Variants in DUSP16 observed in about 807,000 individuals in gnomAD.
DUSP16 encodes the protein dual specificity phosphatase 16, also known as dual specificity protein phosphatase 16.
A neutral mutation model predicts 58.3 loss-of-function variants in DUSP16; 21 were observed. The ratio of observed to expected loss-of-function variants is 0.36; its 90% CI spans 0.26 to 0.52. The LOEUF (loss-of-function observed/expected upper bound fraction) is 0.52, where lower values mean the gene tolerates loss of function less well. Ranked by LOEUF, DUSP16 falls within the 20% of genes least tolerant of loss-of-function variation. The probability of loss-of-function intolerance (pLI) is 0.94; values close to 1 mark genes in which losing one functional copy is unlikely to be tolerated. For missense variants in DUSP16, 726 were observed against 819.0 expected, an observed-to-expected ratio of 0.89 and a Z score of 1.39; for synonymous variants, 320 against 323.8, an observed-to-expected ratio of 0.99 and a Z score of 0.12.
intron 4 of DUSP16, 74 bp from the exon 5 acceptor site, chr12:12,487,261 T>C (rs1210126566): frequency 6.7e-7 from 1 of 1,489,744 alleles, no homozygotes; most frequent in African/African-American, 1.4e-5. Flanking sequence ...GAGTGAAGTT[T>C]AATGTGATGA....
At chr12:12,484,476 T>G (rs1287863785) in intron 5 of DUSP16, among the ~76,000 whole-genome samples, 1 of 152,126 alleles carries the variant, frequency 6.6e-6, no homozygotes, top group Non-Finnish European at 1.5e-5. Flanking sequence ...CTACTAAACT[T>G]TGTCTCCTAA....
intron 1 of DUSP16, among the ~76,000 whole-genome samples, chr12:12,527,467 A>AACAAAC (rs918459447): frequency 2.0e-5 from 3 of 152,122 alleles, no homozygotes; most frequent in African/African-American, 7.2e-5. Flanking sequence ...AAAAAATAAA[A>AACAAAC]ACAAACACAA....
intron 4 of DUSP16, among the ~76,000 whole-genome samples, chr12:12,498,795 A>G (rs995251251): frequency 6.6e-6 from 1 of 152,208 alleles, no homozygotes; most frequent in African/African-American, 2.4e-5. Context: ...TAAAAATAAA[A>G]GTCTATACAT....
At chr12:12,531,884 C>T (rs998302907) in intron 1 of DUSP16, among the ~76,000 whole-genome samples, 7 of 150,192 alleles carry the variant, frequency 4.7e-5, no homozygotes, top group Non-Finnish European at 1.0e-4. Context: ...CAAGGCCGGG[C>T]GCGGTGGCTC....
At chr12:12,518,257 G>A (rs534137783) in intron 3 of DUSP16, among the ~76,000 whole-genome samples, 125 of 151,768 alleles carry the variant, frequency 8.2e-4, no homozygotes, top group African/African-American at 2.9e-3. Context: ...GCTCATGCCT[G>A]TAATCCCAGC....
At chr12:12,490,440 A>T (rs1168830360) in intron 4 of DUSP16, among the ~76,000 whole-genome samples, 4 of 152,234 alleles carry the variant, frequency 2.6e-5, no homozygotes, top group Admixed American at 2.6e-4. Context: ...AATACTTAAT[A>T]TAATTTGGCT....
At chr12:12,515,039 G>A (rs182980479) in intron 3 of DUSP16, among the ~76,000 whole-genome samples, 1 of 152,094 alleles carries the variant, frequency 6.6e-6, no homozygotes, top group East Asian at 1.9e-4. Context: ...CTCATTACAA[G>A]TTCAAAATAT....
chr12:12,493,245 G>GC (rs749114266), intron 4 of DUSP16, among the ~76,000 whole-genome samples: 17 of 152,056 alleles, frequency 1.1e-4, no homozygotes, highest in Admixed American at 2.6e-4. Flanking sequence ...AATGGCAACT[G>GC]CATCTCCGAG....
At chr12:12,519,789 T>C in intron 3 of DUSP16, 73 bp downstream of exon 3, 1 of 1,504,572 alleles carries the variant, frequency 6.6e-7, no homozygotes, top group Non-Finnish European at 9.2e-7. Flanking sequence ...TTGTACTGAG[T>C]TCACAGTGAA....
chr12:12,483,840 A>G (rs1943624206), intron 5 of DUSP16, among the ~76,000 whole-genome samples: 1 of 152,126 alleles, frequency 6.6e-6, no homozygotes, highest in South Asian at 2.1e-4. Flanking sequence ...AATCTAATCT[A>G]AATAACAACA....
intron 1 of DUSP16, among the ~76,000 whole-genome samples, chr12:12,559,423 T>A (rs748284911): frequency 7.9e-5 from 12 of 152,236 alleles, no homozygotes; most frequent in Non-Finnish European, 1.8e-4. Flanking sequence ...CTTATTTTCT[T>A]GGGATTCTGA....
chr12:12,502,544 G>A (rs958130032), intron 3 of DUSP16, among the ~76,000 whole-genome samples: 3 of 147,288 alleles, frequency 2.0e-5, no homozygotes, highest in Non-Finnish European at 4.5e-5. Flanking sequence ...ACAGTTTCAT[G>A]GTTTCATTTT....
intron 5 of DUSP16, among the ~76,000 whole-genome samples, chr12:12,481,621 T>C (rs1943567019): frequency 6.6e-6 from 1 of 152,204 alleles, no homozygotes; most frequent in African/African-American, 2.4e-5. Flanking sequence ...TCATCATATA[T>C]AAAGCAACAT....
intron 1 of DUSP16, among the ~76,000 whole-genome samples, chr12:12,556,945 C>T (rs1014300507): frequency 4.6e-5 from 7 of 152,090 alleles, no homozygotes; most frequent in Non-Finnish European, 1.0e-4. Context: ...TTTGTATGTT[C>T]CCATACAAAA....
At chr12:12,483,989 T>A (rs962636560) in intron 5 of DUSP16, among the ~76,000 whole-genome samples, 3 of 151,652 alleles carry the variant, frequency 2.0e-5, no homozygotes, top group South Asian at 2.1e-4. Context: ...AATAAAAAAA[T>A]TTAAAAATTA....
chr12:12,516,053 G>C (rs1182594273), intron 3 of DUSP16, among the ~76,000 whole-genome samples: 1 of 152,012 alleles, frequency 6.6e-6, no homozygotes, highest in African/African-American at 2.4e-5. Flanking sequence ...TGGGATTACA[G>C]GTGTAAGTCA....
At chr12:12,554,583 AT>A (rs1944780765) in intron 1 of DUSP16, 1 of 152,182 alleles carries the variant, frequency 6.6e-6, no homozygotes, top group Non-Finnish European at 1.5e-5. Context: ...ATACTCTTTT[AT>A]TCATTTCCCA....
intron 1 of DUSP16, among the ~76,000 whole-genome samples, chr12:12,536,906 G>A (rs1266114108): frequency 6.6e-6 from 1 of 152,192 alleles, no homozygotes; most frequent in Non-Finnish European, 1.5e-5. Flanking sequence ...AGGCATGGTG[G>A]CGCATTCCTG....
intron 1 of DUSP16, among the ~76,000 whole-genome samples, chr12:12,534,287 C>G (rs543991552): frequency 6.6e-6 from 1 of 152,288 alleles, no homozygotes; most frequent in South Asian, 2.1e-4. Flanking sequence ...CACACTTCCC[C>G]CTGCTGGGGC....
Sources: allele counts gnomAD v4.1 joint callset (sites outside exome capture counted in the v4.1 genomes callset), GRCh38; gene constraint gnomAD v4.1.1; transcripts MANE v1.5; gene names NCBI Gene and HGNC (gene_info 2026-07-23, HGNC 2026-07-21).